The following RARB variants were observed in gnomAD, a reference collection of about 807,000 sequenced individuals.
RARB encodes the protein retinoic acid receptor beta, also known as HBV-activated protein.
A neutral mutation model predicts 51.9 loss-of-function variants in RARB; 17 were observed. The ratio of observed to expected loss-of-function variants is 0.33; its 90% confidence interval spans 0.22 to 0.49. RARB has a LOEUF of 0.49. RARB is among the 20% of genes least tolerant of loss of function. The pLI, the probability that RARB is intolerant of heterozygous loss-of-function variation, is 0.99. For synonymous variants in RARB, 215 were observed against 195.4 expected (o/e 1.10, Z -0.84); for missense variants, 369 against 550.8 (o/e 0.67, Z 3.30).
intron 2 of RARB, among the ~76,000 whole-genome samples, chr3:24,866,092 A>G (rs1702842574): frequency 1.3e-5 from 2 of 152,064 alleles, no homozygotes; most frequent in Admixed American, 6.6e-5. Flanking sequence ...GCGGACACCA[A>G]TCTGAGGAAT....
chr3:25,224,736 T>C (rs2125386678), intron 5 of RARB, among the ~76,000 whole-genome samples: 1 of 152,056 alleles, frequency 6.6e-6, no homozygotes, highest in East Asian at 1.9e-4. Context: ...GCCTCCCAAG[T>C]AGATGAGACT....
chr3:25,262,342 T>C (rs1421498382), intron 5 of RARB, among the ~76,000 whole-genome samples: 1 of 152,198 alleles, frequency 6.6e-6, no homozygotes, highest in Non-Finnish European at 1.5e-5. Flanking sequence ...ACCTGCAAGT[T>C]AGGCTCTATC....
intron 4 of RARB, among the ~76,000 whole-genome samples, chr3:25,169,279 A>G (rs1700605631): frequency 6.6e-6 from 1 of 152,232 alleles, no homozygotes. Context: ...AGAGAGAAGC[A>G]ATAATAGAAA....
intron 4 of RARB, among the ~76,000 whole-genome samples, chr3:25,573,496 C>T (rs1700793713): frequency 6.6e-6 from 1 of 152,244 alleles, no homozygotes. Context: ...CTGCTGCCCA[C>T]CGCGGGGTGG....
At chr3:25,342,189 G>T (rs564892784) in intron 5 of RARB, among the ~76,000 whole-genome samples, 2 of 152,338 alleles carry the variant, frequency 1.3e-5, no homozygotes, top group African/African-American at 4.8e-5. Flanking sequence ...AGTTTGACCA[G>T]TGATCTTGGA....
intron 2 of RARB, among the ~76,000 whole-genome samples, chr3:24,981,497 G>A (rs1014702066): frequency 3.3e-5 from 5 of 152,038 alleles, no homozygotes; most frequent in African/African-American, 4.8e-5. Context: ...CTCAGTGGAC[G>A]CCCCTCCCCC....
At chr3:24,931,827 A>T (rs1695446380) in intron 2 of RARB, among the ~76,000 whole-genome samples, 1 of 152,050 alleles carries the variant, frequency 6.6e-6, no homozygotes, top group Non-Finnish European at 1.5e-5. Context: ...GCTCAACAAG[A>T]TTTTGTAGAA....
At chr3:25,398,556 G>T (rs1156428092) in intron 5 of RARB, among the ~76,000 whole-genome samples, 1 of 152,126 alleles carries the variant, frequency 6.6e-6, no homozygotes, top group African/African-American at 2.4e-5. Context: ...TCCAATGGGA[G>T]AGATGACAGT....
In RARB at chr3:25,114,201, G is replaced by A. The variant is rs540743504; in HGVS notation, c.-327-17960G>A. Among the ~76,000 whole-genome samples, 13 of 152,238 alleles carry A rather than the reference G, an allele frequency of 8.5e-5. No homozygotes were observed. In the South Asian group the frequency reaches 2.7e-3, roughly 32 times the overall value. On this transcript the variant is annotated intron_variant, in intron 3 of 11. Transcript: ENST00000383772. ...TTTTCTGTTCCACCCACCCAACTCT[G>A]GGTAGCTTGGAGCAATGGAAAGTAT... is the stretch of plus-strand genomic sequence containing the variant.
intron 2 of RARB, among the ~76,000 whole-genome samples, chr3:25,482,691 C>A (rs1310506662): frequency 6.6e-6 from 1 of 151,736 alleles, no homozygotes; most frequent in Non-Finnish European, 1.5e-5. Context: ...AGGCGCGTGC[C>A]ACCATGCCCG....
chr3:25,173,667 T>A (rs1026387900), intron 4 of RARB, among the ~76,000 whole-genome samples: 2 of 152,048 alleles, frequency 1.3e-5, no homozygotes, highest in African/African-American at 4.8e-5. Context: ...AGAAAAAAAA[T>A]TTCATTCATT....
chr3:25,481,143 A>C (rs746525128), intron 2 of RARB, among the ~76,000 whole-genome samples: 3 of 152,192 alleles, frequency 2.0e-5, no homozygotes, highest in Admixed American at 6.5e-5. Flanking sequence ...ACATTTCACT[A>C]CTAAAAACCA....
intron 5 of RARB, among the ~76,000 whole-genome samples, chr3:25,418,118 G>A (rs561309983): frequency 2.0e-5 from 3 of 152,304 alleles, no homozygotes; most frequent in Non-Finnish European, 4.4e-5. Flanking sequence ...GTGTTGATGA[G>A]AACATGGCCA....
Position 25,569,692 on chromosome 3 carries a change from C to A in RARB, c.449-66C>A, listed in dbSNP as rs968122923. The A allele has an allele frequency of 7.8e-6, 12 of 1,532,992 alleles. No homozygotes were observed. In the African/African-American group the frequency reaches 1.7e-4, roughly 21 times the overall value. The allele number at this position is 1,532,992 out of a possible 1,614,324, so 95.0% of individuals were successfully genotyped here. A position where few individuals can be genotyped will look rare whatever the true frequency, so the allele number is the denominator to read the frequency against. On this transcript the variant is annotated intron_variant, in intron 3 of 7. Transcript: ENST00000330688. Reference sequence around the variant, plus strand: ...TTAAGGCAGCCTTGGGAGGTGGAACCTCCCAGCTCAGGAGCACAGGCCCAG... The same window carrying A: ...TTAAGGCAGCCTTGGGAGGTGGAACATCCCAGCTCAGGAGCACAGGCCCAG...
chr3:24,967,671 T>A (rs1354798460), intron 2 of RARB, among the ~76,000 whole-genome samples: 1 of 152,152 alleles, frequency 6.6e-6, no homozygotes, highest in African/African-American at 2.4e-5. Context: ...GTTTGCTTTA[T>A]AGCACTATCA....
chr3:25,442,770 A>T (rs1292824183), intron 1 of RARB, among the ~76,000 whole-genome samples: 46 of 152,010 alleles, frequency 3.0e-4, no homozygotes, highest in Non-Finnish European at 6.2e-4. Flanking sequence ...TTTTGCTAAC[A>T]TTTAGTTTGC....
intron 2 of RARB, among the ~76,000 whole-genome samples, chr3:25,046,843 C>T (rs1437396708): frequency 6.6e-6 from 1 of 152,088 alleles, no homozygotes; most frequent in Admixed American, 6.6e-5. Flanking sequence ...ATAGTAGGTG[C>T]ATATAATTTA....
chr3:25,455,641 C>T (rs568511396), intron 1 of RARB, among the ~76,000 whole-genome samples: 2 of 152,298 alleles, frequency 1.3e-5, no homozygotes, highest in Admixed American at 6.5e-5. Context: ...CACTCATGTG[C>T]GCAGTTCAGA....
intron 3 of RARB, among the ~76,000 whole-genome samples, chr3:25,115,208 A>G (rs1699665923): frequency 6.6e-6 from 1 of 152,202 alleles, no homozygotes; most frequent in Non-Finnish European, 1.5e-5. Flanking sequence ...AAATGGTTTT[A>G]CTTAAAAAAA....
Sources: allele counts gnomAD v4.1 joint callset (sites outside exome capture counted in the v4.1 genomes callset), GRCh38; gene constraint gnomAD v4.1.1; transcripts MANE v1.5; gene names NCBI Gene and HGNC (gene_info 2026-07-23, HGNC 2026-07-21).